Variants in NEIL3 observed in about 807,000 individuals in gnomAD.
The protein encoded by NEIL3 is nei like DNA glycosylase 3.
A neutral mutation model predicts 57.5 loss-of-function variants in NEIL3; 48 were observed. That is an observed-to-expected ratio of 0.83 (90% CI 0.66 to 1.06). The LOEUF is 1.06. Ranked by LOEUF, NEIL3 falls within the 50% of genes least tolerant of loss-of-function variation. The pLI is 0.00. For missense variants in NEIL3, 717 were observed against 739.1 expected, an observed-to-expected ratio of 0.97 and a Z score of 0.35; for synonymous variants, 261 against 253.2, an observed-to-expected ratio of 1.03 and a Z score of -0.29.
chr4:177,363,357 T>C (rs767251924), downstream of NEIL3, among the ~76,000 whole-genome samples: 15 of 152,322 alleles, frequency 9.8e-5, no homozygotes, highest in Middle Eastern at 3.4e-3. Context: ...GTTAACAGCA[T>C]ATGAAATTAC....
intron 6 of NEIL3, among the ~76,000 whole-genome samples, chr4:177,350,584 A>G (rs1279379776): frequency 1.3e-5 from 2 of 152,252 alleles, no homozygotes; most frequent in East Asian, 1.9e-4. Flanking sequence ...ATGAATTTAC[A>G]TAGTGCTCAG....
intron 5 of NEIL3, among the ~76,000 whole-genome samples, chr4:177,341,151 AAG>A (rs1735082629): frequency 6.6e-6 from 1 of 152,152 alleles, no homozygotes; most frequent in Admixed American, 6.5e-5. Context: ...TTAATTTAAA[AAG>A]CCTTAAAAGT....
intron 1 of NEIL3, among the ~76,000 whole-genome samples, chr4:177,320,778 T>G (rs574035137): frequency 1.3e-5 from 2 of 152,214 alleles, no homozygotes; most frequent in Non-Finnish European, 2.9e-5. Context: ...GCTGTCATTT[T>G]TAATTACTCC....
chr4:177,328,813 A>G (rs1226480512), intron 2 of NEIL3, among the ~76,000 whole-genome samples: 1 of 152,174 alleles, frequency 6.6e-6, no homozygotes, highest in African/African-American at 2.4e-5. Flanking sequence ...AGCAAGCATA[A>G]TAACAATTTA....
chr4:177,347,157 C>T (rs1332214722), intron 6 of NEIL3, among the ~76,000 whole-genome samples: 1 of 152,054 alleles, frequency 6.6e-6, no homozygotes, highest in Non-Finnish European at 1.5e-5. Flanking sequence ...CAGATAAGTC[C>T]GTGGGGAGGA....
At chr4:177,312,270 G>C (rs1482599134) in intron 1 of NEIL3, among the ~76,000 whole-genome samples, 1 of 152,032 alleles carries the variant, frequency 6.6e-6, no homozygotes, top group Non-Finnish European at 1.5e-5. Flanking sequence ...GCTAAACCAG[G>C]GTTTGATTTT....
At chr4:177,354,848 A>G (rs899894238) in intron 8 of NEIL3, among the ~76,000 whole-genome samples, 1 of 152,236 alleles carries the variant, frequency 6.6e-6, no homozygotes, top group Admixed American at 6.5e-5. Context: ...AAAAGTTGTA[A>G]TTCTAACTAA....
chr4:177,355,271 G>C (rs1489035370), intron 8 of NEIL3, among the ~76,000 whole-genome samples: 1 of 152,166 alleles, frequency 6.6e-6, no homozygotes, highest in African/African-American at 2.4e-5. Context: ...AGGCAGAGAA[G>C]GAGTTACAGT....
intron 1 of NEIL3, among the ~76,000 whole-genome samples, chr4:177,321,172 A>G (rs1216590919): frequency 4.6e-5 from 7 of 152,158 alleles, no homozygotes; most frequent in Non-Finnish European, 1.0e-4. Flanking sequence ...ACTTGTTTCT[A>G]GACTCTGTAT....
intron 6 of NEIL3, among the ~76,000 whole-genome samples, chr4:177,344,382 A>G (rs1305773233): frequency 6.6e-6 from 1 of 152,170 alleles, no homozygotes; most frequent in Non-Finnish European, 1.5e-5. Flanking sequence ...ATTTTAATGT[A>G]AAGTCATTTC....
At chr4:177,332,842 C>T (rs1734907785) in intron 2 of NEIL3, among the ~76,000 whole-genome samples, 1 of 152,174 alleles carries the variant, frequency 6.6e-6, no homozygotes, top group Non-Finnish European at 1.5e-5. Context: ...TCTGACTTTA[C>T]TTTCCATGGC....
the NEIL3 span, among the ~76,000 whole-genome samples, chr4:177,369,625 G>A: frequency 6.6e-6 from 1 of 152,142 alleles, no homozygotes; most frequent in East Asian, 1.9e-4. Flanking sequence ...TGTGGGAGAT[G>A]GTATGCATGG....
Position 177,310,025 on chromosome 4 carries a change from G to T in NEIL3, c.72G>T (p.Val24=). ...IRARVLPGQA[V]TGVRGSALRS... ...CGCGGGTGCTCCCGGGCCAGGCGGT[G>T]ACCGGCGTGCGGGGAAGCGCTCTGC... Residue 24 remains valine (V), a synonymous_variant, in exon 1 of 10, where the codon GTG becomes GTT. Transcript: ENST00000264596. 1.2e-6 allele frequency: 2 copies of T among 1,610,748 alleles called. No homozygotes were observed. The highest frequency in any genetic ancestry group is 1.7e-6 in the Non-Finnish European group (2 of 1,179,096).
At chr4:177,335,274 A>G (rs1179640037) in intron 2 of NEIL3, among the ~76,000 whole-genome samples, 1 of 152,214 alleles carries the variant, frequency 6.6e-6, no homozygotes, top group Non-Finnish European at 1.5e-5. Context: ...GAATTTATGA[A>G]AACACAAACT....
At chr4:177,321,836 G>A (rs10034015) in intron 1 of NEIL3, among the ~76,000 whole-genome samples, 32,122 of 150,714 alleles carry the variant, frequency 0.21, 3,676 homozygotes, top group Non-Finnish European at 0.27. Flanking sequence ...GAAAATTGAA[G>A]CTCTCATTCC....
At chr4:177,356,423 G>A (rs954294025) in intron 8 of NEIL3, among the ~76,000 whole-genome samples, 1 of 152,128 alleles carries the variant, frequency 6.6e-6, no homozygotes, top group African/African-American at 2.4e-5. Flanking sequence ...TCAACTAGCA[G>A]AATAAATGTC....
chr4:177,327,619 T>C (rs983951806), intron 2 of NEIL3, among the ~76,000 whole-genome samples: 1 of 152,194 alleles, frequency 6.6e-6, no homozygotes, highest in African/African-American at 2.4e-5. Flanking sequence ...TATTTCTTTT[T>C]CTTGTTTTAT....
chr4:177,365,757 T>C (rs1263340546), downstream of NEIL3, among the ~76,000 whole-genome samples: 1 of 152,248 alleles, frequency 6.6e-6, no homozygotes, highest in Non-Finnish European at 1.5e-5. Flanking sequence ...AACTCTGGTT[T>C]ATATCAATTA....
At chr4:177,345,003 G>C (rs1735183656) in intron 6 of NEIL3, among the ~76,000 whole-genome samples, 1 of 152,012 alleles carries the variant, frequency 6.6e-6, no homozygotes, top group Non-Finnish European at 1.5e-5. Flanking sequence ...TTATTTATTA[G>C]GGTCTGCTAT....
Sources: allele counts gnomAD v4.1 joint callset (sites outside exome capture counted in the v4.1 genomes callset), GRCh38; gene constraint gnomAD v4.1.1; transcripts MANE v1.5; gene names NCBI Gene and HGNC (gene_info 2026-07-23, HGNC 2026-07-21).